The following SS18L1 variants were observed in gnomAD, a reference collection of about 807,000 sequenced individuals.
SS18L1 encodes SS18L1 subunit of BAF chromatin remodeling complex.
SS18L1 carries 32 observed loss-of-function variants against 70.3 expected under a neutral mutation model. That is an observed-to-expected ratio of 0.46 (90% CI 0.34 to 0.61). SS18L1 has a LOEUF of 0.61. Ranked by LOEUF, SS18L1 falls within the 20% of genes least tolerant of loss-of-function variation. The probability of loss-of-function intolerance (pLI) is 0.01; values close to 1 mark genes in which losing one functional copy is unlikely to be tolerated. For missense variants in SS18L1, 430 were observed against 542.1 expected (o/e 0.79, Z 2.05); for synonymous variants, 237 against 229.7 (o/e 1.03, Z -0.29).
chr20:62,174,398 C>T lies in SS18L1; in HGVS notation c.1037-119C>T, dbSNP rs534280951. On this transcript the variant is annotated intron_variant, in intron 9 of 10. Transcript: ENST00000331758. The surrounding 1 kb of genome is among the most constrained non-coding windows in gnomAD (Gnocchi z 4.1). The stretch of plus-strand genomic sequence containing the variant: ...TCTGGAGATTGACAAAAGGCTGATG[C>T]ATTGAGACGGGAATTTTTCAAGGAG... 4.1e-5 allele frequency: 60 copies of T among 1,454,780 alleles called. No individual in the cohort carries two copies. The African/African-American group carries it at 7.1e-4, about 17-fold the overall frequency. The allele number at this position is 1,454,780 out of a possible 1,614,324, so 90.1% of individuals were successfully genotyped here.
At position 62,181,475 on chromosome 20, in the gene SS18L1, GTGTT is replaced by G. The variant is rs761784079; in HGVS notation, c.*2271_*2274del. On this transcript the variant is annotated 3_prime_UTR_variant, in exon 11 of 11. Coordinates refer to ENST00000331758, the MANE Select transcript of SS18L1 (RefSeq NM_198935.3). Reference sequence around the variant, plus strand: ...CAATCTGGGAATATGCCTTTTTTGTGTGTTTGTGTGTTTTTTTAAGTGCTGTATT... The same window carrying G: ...CAATCTGGGAATATGCCTTTTTTGTGTGTGTGTTTTTTTAAGTGCTGTATT... 15 of 211,706 alleles carry G rather than the reference GTGTT, an allele frequency of 7.1e-5. No homozygotes were observed. Among genetic ancestry groups the G allele is most frequent in the Non-Finnish European group, 1.3e-4 (14 of 104,380 alleles). 13.1% of individuals were successfully genotyped at this position (211,706 alleles called of 1,614,324 possible).
intron 4 of SS18L1, among the ~76,000 whole-genome samples, chr20:62,162,380 C>A (rs2057345636): frequency 6.6e-6 from 1 of 152,156 alleles, no homozygotes; most frequent in African/African-American, 2.4e-5. Flanking sequence ...TGGCCCACTG[C>A]AACCTCCGCC....
chr20:62,149,395 GTCTGATTCTAA>G (rs2057088247), intron 1 of SS18L1, among the ~76,000 whole-genome samples: 1 of 152,242 alleles, frequency 6.6e-6, no homozygotes. Flanking sequence ...TGTGACACTG[GTCTGATTCTAA>G]TCGGCCACCA....
chr20:62,157,911 C>A (rs2057252244), intron 1 of SS18L1, among the ~76,000 whole-genome samples: 1 of 152,076 alleles, frequency 6.6e-6, no homozygotes, highest in Non-Finnish European at 1.5e-5. Context: ...CCGGTGGTGC[C>A]GTCCCTGACC....
At chr20:62,144,965 C>G (rs1349810814) in intron 1 of SS18L1, among the ~76,000 whole-genome samples, 1 of 152,354 alleles carries the variant, frequency 6.6e-6, no homozygotes, top group Non-Finnish European at 1.5e-5. Flanking sequence ...GGCTGTTATT[C>G]CTTGATGACG....
chr20:62,160,885 C>T (rs374588801), intron 3 of SS18L1, among the ~76,000 whole-genome samples: 10 of 152,166 alleles, frequency 6.6e-5, no homozygotes, highest in African/African-American at 2.4e-4. Context: ...TCCAGAGCTG[C>T]TGGTTGACCT....
chr20:62,146,558 G>C (rs1054845221), intron 1 of SS18L1, among the ~76,000 whole-genome samples: 35 of 149,364 alleles, frequency 2.3e-4, no homozygotes, highest in African/African-American at 5.5e-4. Flanking sequence ...GGCAGCCCTT[G>C]GTGTTCTCTG....
intron 3 of SS18L1, 61 bp downstream of exon 3, chr20:62,160,022 T>C (rs575499195): frequency 1.3e-6 from 2 of 1,509,408 alleles, no homozygotes; most frequent in Admixed American, 1.9e-5. Flanking sequence ...CTGCCTAAGA[T>C]CGGAATTGTG....
rs778019206 is a variant in SS18L1, at chr20:62,158,649, G to T, written c.70-23G>T. ...TCAGCGACAGCCCCGCGTCGGCAGC[G>T]CCCGCTCACGCTCTCTCCGCAGATG... On this transcript the variant is annotated intron_variant, in intron 1 of 10. Transcript: ENST00000331758. This position sits in a 1 kb window ranked among gnomAD's most constrained non-coding sequence, Gnocchi z 4.5. 2 of 1,610,554 alleles carry T rather than the reference G, an allele frequency of 1.2e-6. No homozygotes were observed. The highest frequency in any genetic ancestry group is 2.7e-5 in the African/African-American group (2 of 75,048).
In SS18L1 at chr20:62,165,512, G is replaced by A. The variant is rs754727411; in HGVS notation, c.914G>A (p.Gly305Glu). Reference sequence around the variant, plus strand: ...GAGTCCACGCAGCACTACTATGAGGGGGGTAAGGAGCACGGCTGCGTGCTG... The same window carrying A: ...GAGTCCACGCAGCACTACTATGAGGAGGGTAAGGAGCACGGCTGCGTGCTG... ...FEESTQHYYE[G>E]GNSQYSQQQA... The change falls in exon 8 of 11, where the codon GGG (glycine) becomes GAG (glutamate). Residue 305 changes from glycine (G) to glutamate (E), a missense_variant and splice_region_variant. Transcript: ENST00000331758. The A allele has an allele frequency of 1.4e-5, 23 of 1,611,056 alleles. No individual in the cohort carries two copies. The Admixed American group carries it at 3.7e-4, about 26-fold the overall frequency.
chr20:62,151,832 C>T (rs1012070142), intron 1 of SS18L1, among the ~76,000 whole-genome samples: 1 of 150,450 alleles, frequency 6.6e-6, no homozygotes, highest in Non-Finnish European at 1.5e-5. Flanking sequence ...CTCCCCATAG[C>T]TGGCCTCCCC....
intron 5 of SS18L1, among the ~76,000 whole-genome samples, 177 bp from the exon 6 acceptor site, chr20:62,163,281 T>C (rs2057365095): frequency 6.6e-6 from 1 of 151,958 alleles, no homozygotes; most frequent in East Asian, 1.9e-4. Context: ...GGTCTGAGCT[T>C]GCAGGGCGTC....
At chr20:62,162,503 C>T (rs2057347991) in intron 4 of SS18L1, 1 of 427,782 alleles carries the variant, frequency 2.3e-6, no homozygotes, top group Non-Finnish European at 4.1e-6. Flanking sequence ...GGGGTTTCAC[C>T]ATGTTGTCCA....
chr20:62,161,537 G>C lies in SS18L1; in HGVS notation c.333G>C (p.Thr111=). The change falls in exon 4 of 11, where the codon ACG becomes ACC. Residue 111 remains threonine (T), a synonymous_variant. Coordinates refer to ENST00000331758, the MANE Select transcript of SS18L1 (RefSeq NM_198935.3). The surrounding 1 kb of genome is among the most constrained non-coding windows in gnomAD (Gnocchi z 4.4). ...GCAGCCTGAGTGACGCCATCAGCAC[G>C]GGCCTGCCACCCTCCTCCCTCCTGC... ...SQGSLSDAIS[T]GLPPSSLLQG... 1 of 1,612,334 alleles carries C rather than the reference G, an allele frequency of 6.2e-7. No homozygotes were observed. Among genetic ancestry groups the C allele is most frequent in the Non-Finnish European group, 8.5e-7 (1 of 1,179,638 alleles).
intron 1 of SS18L1, chr20:62,154,589 A>T (rs1276298037): frequency 1.0e-6 from 1 of 984,566 alleles, no homozygotes; most frequent in South Asian, 4.8e-5. Flanking sequence ...GCTCCTCCGG[A>T]AGTCTCCGTG....
In SS18L1 at chr20:62,158,999, C is replaced by T. The variant is rs1240485671; in HGVS notation, c.146+251C>T. ...GAGGCCAGATATGTCCCGAGAGTCC[C>T]CCAGCACGGAGGCCAGATATGTCCC... On this transcript the variant is annotated intron_variant, in intron 2 of 10. Transcript: ENST00000331758. This position sits in a 1 kb window ranked among gnomAD's most constrained non-coding sequence, Gnocchi z 4.5. 30 of 1,527,538 alleles carry T rather than the reference C, an allele frequency of 2.0e-5. No homozygotes were observed. The African/African-American group carries it at 3.8e-4, about 19-fold the overall frequency. The allele number at this position is 1,527,538 out of a possible 1,614,324, so 94.6% of individuals were successfully genotyped here. A position where few individuals can be genotyped will look rare whatever the true frequency, so the allele number is the denominator to read the frequency against.
rs994970950 is a variant in SS18L1 at position 62,174,301 on chromosome 20, G to T, written c.1037-216G>T. ...TCCTGGGACCTCACAGGACTGGAGG[G>T]GCTGGTGAGTCGGTTACGTGGTGCT... is the stretch of plus-strand genomic sequence containing the variant. On this transcript the variant is annotated intron_variant, in intron 9 of 10. Coordinates refer to ENST00000331758, the MANE Select transcript of SS18L1 (RefSeq NM_198935.3). This position sits in a 1 kb window ranked among gnomAD's most constrained non-coding sequence, Gnocchi z 4.1. 2.0e-5 allele frequency among the ~76,000 whole-genome samples: 3 copies of T among 152,120 alleles called. No homozygotes were observed. The highest frequency in any genetic ancestry group is 7.2e-5 in the African/African-American group (3 of 41,422).
rs1318450916 is a variant in SS18L1 at position 62,161,696 on chromosome 20, ACTC to A, written c.376+122_376+124del. On this transcript the variant is annotated intron_variant, in intron 4 of 10. Coordinates refer to ENST00000331758, the MANE Select transcript of SS18L1 (RefSeq NM_198935.3). This position sits in a 1 kb window ranked among gnomAD's most constrained non-coding sequence, Gnocchi z 4.4. Reference sequence around the variant, plus strand: ...CCTCACAGGGCTGGGCATGGGACCCACTCCTCCTGGGGTAGCCACAGGTCGGCT... The same window carrying A: ...CCTCACAGGGCTGGGCATGGGACCCACTCCTGGGGTAGCCACAGGTCGGCT... 4 of 1,415,126 alleles carry A rather than the reference ACTC, an allele frequency of 2.8e-6. No individual in the cohort carries two copies. The highest frequency in any genetic ancestry group is 3.7e-6 in the Non-Finnish European group (4 of 1,068,370). The allele number at this position is 1,415,126 out of a possible 1,614,324, so 87.7% of individuals were successfully genotyped here. A position where few individuals can be genotyped will look rare whatever the true frequency, so the allele number is the denominator to read the frequency against.
rs751591508 is a variant in SS18L1 at position 62,174,698 on chromosome 20, TAATG to T, written c.1164+57_1164+60del. 9.3e-6 allele frequency: 15 copies of T among 1,612,538 alleles called. No homozygotes were observed. The African/African-American group carries it at 1.5e-4, about 16-fold the overall frequency. The stretch of plus-strand genomic sequence containing the variant: ...CCCATCCGCCGCGCCTGTCGAGACA[TAATG>T]AAGATTTCTCTTATGGCCATGAGGA... On this transcript the variant is annotated intron_variant, in intron 10 of 10. Transcript: ENST00000331758. The surrounding 1 kb of genome is among the most constrained non-coding windows in gnomAD (Gnocchi z 4.1).
Sources: allele counts gnomAD v4.1 joint callset (sites outside exome capture counted in the v4.1 genomes callset), GRCh38; gene constraint gnomAD v4.1.1; non-coding constraint Gnocchi (gnomAD v3.1); transcripts MANE v1.5; gene names NCBI Gene and HGNC (gene_info 2026-07-23, HGNC 2026-07-21).